The following SHISA9 variants were observed in gnomAD, a reference collection of about 807,000 sequenced individuals.
SHISA9 encodes the protein protein shisa-9.
In SHISA9, 13 loss-of-function variants were observed where a neutral mutation model predicts 38.0. The observed-to-expected ratio is 0.34, with a 90% CI of 0.22 to 0.54. SHISA9 has a LOEUF of 0.54. Among genes scored for constraint, SHISA9 ranks in the 20% least tolerant of loss-of-function variants. SHISA9 has a pLI of 0.91. For missense variants in SHISA9, 538 were observed against 575.8 expected, an observed-to-expected ratio of 0.93 and a Z score of 0.67; for synonymous variants, 275 against 242.0, an observed-to-expected ratio of 1.14 and a Z score of -1.27.
At chr16:13,489,702 G>T in the SHISA9 span, among the ~76,000 whole-genome samples, 2 of 152,162 alleles carry the variant, frequency 1.3e-5, no homozygotes. Flanking sequence ...AATTAAACCT[G>T]TTTCCTTTAT....
At chr16:13,440,977 T>TG in the SHISA9 span, among the ~76,000 whole-genome samples, 2 of 151,902 alleles carry the variant, frequency 1.3e-5, no homozygotes, top group South Asian at 4.2e-4. Context: ...AGGGATAATC[T>TG]GGGAGTCGAG....
chr16:13,416,571 G>A, the SHISA9 span, among the ~76,000 whole-genome samples: 2 of 152,120 alleles, frequency 1.3e-5, no homozygotes, highest in African/African-American at 2.4e-5. Flanking sequence ...GGTTAGCCAG[G>A]CACAATGGGG....
chr16:13,042,847 C>T (rs780782199), intron 2 of SHISA9, among the ~76,000 whole-genome samples: 2 of 152,284 alleles, frequency 1.3e-5, no homozygotes, highest in South Asian at 4.1e-4. Flanking sequence ...GAAACCTTTT[C>T]CTTGGCTGCC....
intron 2 of SHISA9, among the ~76,000 whole-genome samples, chr16:13,003,475 A>T (rs2072551631): frequency 6.6e-6 from 1 of 152,138 alleles, no homozygotes. Flanking sequence ...CATGTGCAAA[A>T]ACTCAACCTG....
At chr16:13,336,019 A>G in the SHISA9 span, among the ~76,000 whole-genome samples, 7 of 152,344 alleles carry the variant, frequency 4.6e-5, no homozygotes, top group South Asian at 4.1e-4. Flanking sequence ...AACAGTCACC[A>G]TATGGGTAGT....
chr16:12,966,135 G>A (rs917768575), intron 2 of SHISA9, among the ~76,000 whole-genome samples: 5 of 152,140 alleles, frequency 3.3e-5, no homozygotes, highest in Non-Finnish European at 7.3e-5. Flanking sequence ...TCTAAACATT[G>A]CCAGATGTCC....
chr16:13,091,533 C>T (rs1245113386), intron 2 of SHISA9, among the ~76,000 whole-genome samples: 2 of 152,296 alleles, frequency 1.3e-5, no homozygotes, highest in East Asian at 1.9e-4. Flanking sequence ...TCTCTTCTCA[C>T]TTTATTTCAT....
At chr16:13,394,078 A>T in the SHISA9 span, among the ~76,000 whole-genome samples, 1 of 152,192 alleles carries the variant, frequency 6.6e-6, no homozygotes, top group East Asian at 1.9e-4. Flanking sequence ...GGGATTGTCA[A>T]TGTGCCAGTT....
intron 2 of SHISA9, among the ~76,000 whole-genome samples, chr16:12,965,992 T>C (rs141712989): frequency 1.3e-3 from 200 of 152,356 alleles, no homozygotes; most frequent in South Asian, 4.6e-3. Flanking sequence ...ACCTTGGCTG[T>C]AGCATCATCT....
chr16:13,513,734 G>A, the SHISA9 span, among the ~76,000 whole-genome samples: 7 of 152,254 alleles, frequency 4.6e-5, no homozygotes, highest in Admixed American at 2.6e-4. Context: ...ACTGACACAG[G>A]AACAGAAAAC....
chr16:13,317,503 C>G, the SHISA9 span, among the ~76,000 whole-genome samples: 1 of 152,084 alleles, frequency 6.6e-6, no homozygotes, highest in Non-Finnish European at 1.5e-5. Flanking sequence ...GCACAACATG[C>G]AGGTTTGTTA....
the SHISA9 span, among the ~76,000 whole-genome samples, chr16:13,455,416 C>T: frequency 6.6e-6 from 1 of 152,136 alleles, no homozygotes; most frequent in East Asian, 1.9e-4. Context: ...CAATGTTTTG[C>T]ATTCACCAGG....
the SHISA9 span, among the ~76,000 whole-genome samples, chr16:13,380,106 A>C: frequency 6.6e-6 from 1 of 152,164 alleles, no homozygotes; most frequent in Admixed American, 6.5e-5. Context: ...AGATACATAC[A>C]TATGTTTAAT....
intron 2 of SHISA9, among the ~76,000 whole-genome samples, chr16:13,095,369 C>T (rs761085883): frequency 1.1e-4 from 16 of 152,170 alleles, no homozygotes; most frequent in Non-Finnish European, 2.2e-4. Flanking sequence ...CTGCATTCTG[C>T]AGAGGTTGCA....
At chr16:13,164,401 A>G (rs189858216) in intron 2 of SHISA9, among the ~76,000 whole-genome samples, 20 of 152,164 alleles carry the variant, frequency 1.3e-4, no homozygotes, top group Non-Finnish European at 2.9e-4. Flanking sequence ...TTACTGAGAA[A>G]TTTTTAACCT....
the SHISA9 span, among the ~76,000 whole-genome samples, chr16:13,295,448 C>A: frequency 6.6e-6 from 1 of 152,184 alleles, no homozygotes; most frequent in South Asian, 2.1e-4. Context: ...TTGACAGTGT[C>A]TTCATGAAAC....
intron 2 of SHISA9, among the ~76,000 whole-genome samples, chr16:13,071,180 TTA>T (rs2073509427): frequency 6.6e-6 from 1 of 152,090 alleles, no homozygotes; most frequent in Non-Finnish European, 1.5e-5. Context: ...ATGGCAAATT[TTA>T]TGTTATGTTT....
chr16:13,408,740 A>T, the SHISA9 span, among the ~76,000 whole-genome samples: 8 of 152,318 alleles, frequency 5.3e-5, no homozygotes, highest in Admixed American at 3.9e-4. Context: ...TCTCCTCTGT[A>T]CGTACATTTC....
At chr16:13,440,162 T>C in the SHISA9 span, among the ~76,000 whole-genome samples, 1 of 152,088 alleles carries the variant, frequency 6.6e-6, no homozygotes, top group African/African-American at 2.4e-5. Flanking sequence ...TTGAAGGTGG[T>C]TTCTTAATGG....
Sources: allele counts gnomAD v4.1 joint callset (sites outside exome capture counted in the v4.1 genomes callset), GRCh38; gene constraint gnomAD v4.1.1; transcripts MANE v1.5; gene names NCBI Gene and HGNC (gene_info 2026-07-23, HGNC 2026-07-21).